Variants in KLHL3 observed in about 807,000 individuals in gnomAD.
KLHL3 encodes kelch-like protein 3.
Under a neutral mutation model 70.5 loss-of-function variants are expected in KLHL3, and 19 were observed. That is an observed-to-expected ratio of 0.27 (90% CI 0.19 to 0.40). The LOEUF is 0.40. KLHL3 is among the 10% of genes least tolerant of loss of function. The pLI is 1.00. For synonymous variants in KLHL3, 258 were observed against 290.3 expected (o/e 0.89, Z 1.13); for missense variants, 512 against 771.1 (o/e 0.66, Z 3.98).
At chr5:137,644,171 C>A (rs1032146349) in intron 8 of KLHL3, among the ~76,000 whole-genome samples, 1 of 152,134 alleles carries the variant, frequency 6.6e-6, no homozygotes, top group Non-Finnish European at 1.5e-5. Flanking sequence ...CGGGTTCAAG[C>A]AATTCTCCTG....
chr5:137,639,064 C>A lies in KLHL3; in HGVS notation c.1108G>T (p.Val370Leu). 1 of 1,614,146 alleles carries A rather than the reference C, an allele frequency of 6.2e-7. No homozygotes were observed. Among genetic ancestry groups the A allele is most frequent in the Non-Finnish European group, 8.5e-7 (1 of 1,180,026 alleles). Reference protein sequence around the residue: ...RVRTVDVYDGVKDQWTSIASM... With the variant: ...RVRTVDVYDGLKDQWTSIASM... ...GCAATGGACGTCCACTGGTCCTTCA[C>A]GCCGTCATACACATCCACTGTCCGC... Residue 370 changes from valine (V) to leucine (L), a missense_variant, in exon 10 of 15, where the codon GTG becomes TTG. By Grantham distance (32) the Val-to-Leu change is conservative (BLOSUM62 1). Transcript: ENST00000309755. The surrounding 1 kb of genome is among the most constrained non-coding windows in gnomAD (Gnocchi z 5.0).
chr5:137,642,898 C>G (rs981661987), intron 8 of KLHL3, among the ~76,000 whole-genome samples: 1 of 151,516 alleles, frequency 6.6e-6, no homozygotes, highest in African/African-American at 2.4e-5. Flanking sequence ...TTTTCAGGAA[C>G]CCTCACCATG....
chr5:137,692,789 C>T (rs1340689926), intron 4 of KLHL3: 3 of 258,228 alleles, frequency 1.2e-5, no homozygotes, highest in Non-Finnish European at 2.3e-5. Flanking sequence ...AGTTGCTGGT[C>T]CACAAACCAC....
At chr5:137,719,728 G>A (rs1752960885) in intron 2 of KLHL3, among the ~76,000 whole-genome samples, 2 of 152,318 alleles carry the variant, frequency 1.3e-5, no homozygotes, top group South Asian at 4.1e-4. Flanking sequence ...CGATGTGGCT[G>A]TCTTGCCAAC....
chr5:137,659,553 A>C (rs1751423295), intron 7 of KLHL3, among the ~76,000 whole-genome samples: 1 of 152,206 alleles, frequency 6.6e-6, no homozygotes, highest in Admixed American at 6.5e-5. Flanking sequence ...AGCTTGAGAC[A>C]AATCATAAAC....
intron 7 of KLHL3, among the ~76,000 whole-genome samples, chr5:137,658,805 TGAA>T (rs1417343180): frequency 2.0e-5 from 3 of 152,158 alleles, no homozygotes; most frequent in African/African-American, 7.2e-5. Context: ...TGTCTTATAG[TGAA>T]GGTCTCAGGG....
chr5:137,704,653 A>T (rs1752648819), intron 3 of KLHL3, among the ~76,000 whole-genome samples: 1 of 152,246 alleles, frequency 6.6e-6, no homozygotes, highest in Non-Finnish European at 1.5e-5. Context: ...ATCTTGGTCA[A>T]ACCAGTTGCA....
intron 3 of KLHL3, among the ~76,000 whole-genome samples, chr5:137,703,360 A>G (rs1373113888): frequency 6.6e-6 from 1 of 152,190 alleles, no homozygotes; most frequent in Non-Finnish European, 1.5e-5. Flanking sequence ...ACCCTCATCT[A>G]AGTCCTAAAA....
chr5:137,685,089 G>A (rs983663239), intron 5 of KLHL3, among the ~76,000 whole-genome samples: 4 of 152,208 alleles, frequency 2.6e-5, no homozygotes, highest in Non-Finnish European at 5.9e-5. Context: ...CAGAAGGCAA[G>A]ACTGGCTTTA....
At chr5:137,674,920 T>G (rs1367223402) in intron 6 of KLHL3, among the ~76,000 whole-genome samples, 1 of 152,204 alleles carries the variant, frequency 6.6e-6, no homozygotes, top group Non-Finnish European at 1.5e-5. Context: ...AACATCTAAT[T>G]GTCAGAAGCT....
chr5:137,723,089 A>C (rs1324978461), intron 1 of KLHL3, among the ~76,000 whole-genome samples: 3 of 152,214 alleles, frequency 2.0e-5, no homozygotes, highest in Non-Finnish European at 4.4e-5. Context: ...TCACATATTA[A>C]AGTTCCAGAT....
At chr5:137,626,009 C>A (rs1330082442) in intron 13 of KLHL3, 113 bp from the exon 14 acceptor site, 4 of 1,290,314 alleles carry the variant, frequency 3.1e-6, no homozygotes, top group Non-Finnish European at 4.3e-6. Context: ...CCCTTCATGG[C>A]AATACAACAG....
intron 8 of KLHL3, among the ~76,000 whole-genome samples, chr5:137,643,470 T>C (rs1750969425): frequency 6.6e-6 from 1 of 152,134 alleles, no homozygotes; most frequent in Admixed American, 6.5e-5. Flanking sequence ...TACAACTATC[T>C]GGGAAAATGA....
At chr5:137,670,996 A>C (rs1054856050) in intron 6 of KLHL3, among the ~76,000 whole-genome samples, 2 of 151,750 alleles carry the variant, frequency 1.3e-5, no homozygotes, top group Admixed American at 1.3e-4. Flanking sequence ...ACAACAACAA[A>C]AAAGCCCCAA....
In KLHL3 at chr5:137,618,257, G is replaced by T. The variant is rs1167418897; in HGVS notation, c.*3841C>A. 6.6e-6 allele frequency: 1 copy of T among 152,504 alleles called. No individual in the cohort carries two copies. The highest frequency in any genetic ancestry group is 2.4e-5 in the African/African-American group (1 of 41,394). The allele number at this position is 152,504 out of a possible 1,614,324, so 9.4% of individuals were successfully genotyped here. A position where few individuals can be genotyped will look rare whatever the true frequency, so the allele number is the denominator to read the frequency against. On this transcript the variant is annotated 3_prime_UTR_variant, in exon 15 of 15. Transcript: ENST00000309755. ...CTCCAACTAACTGGAATATGAGTTT[G>T]CTCAGCCTCCCAACTTGATCCAGCT...
intron 2 of KLHL3, among the ~76,000 whole-genome samples, chr5:137,711,842 C>T (rs764377433): frequency 2.6e-5 from 4 of 152,040 alleles, no homozygotes; most frequent in Admixed American, 6.6e-5. Context: ...ATAGACTCAT[C>T]TTGGACATTT....
At chr5:137,675,020 A>C (rs530324116) in intron 6 of KLHL3, among the ~76,000 whole-genome samples, 2 of 152,368 alleles carry the variant, frequency 1.3e-5, no homozygotes, top group East Asian at 3.9e-4. Flanking sequence ...ACCAAGCCCC[A>C]CTATTCTTTA....
chr5:137,646,965 A>G (rs1185532424), intron 8 of KLHL3, among the ~76,000 whole-genome samples: 1 of 152,148 alleles, frequency 6.6e-6, no homozygotes, highest in Non-Finnish European at 1.5e-5. Context: ...GGGTGCCTCA[A>G]AGTTCTGATC....
intron 8 of KLHL3, 43 bp from the exon 9 acceptor site, chr5:137,640,020 C>T: frequency 6.5e-7 from 1 of 1,538,766 alleles, no homozygotes; most frequent in Non-Finnish European, 9.0e-7. Context: ...ACCCCAAAAT[C>T]TGGATTTATG....
Sources: allele counts gnomAD v4.1 joint callset (sites outside exome capture counted in the v4.1 genomes callset), GRCh38; gene constraint gnomAD v4.1.1; non-coding constraint Gnocchi (gnomAD v3.1); transcripts MANE v1.5; gene names NCBI Gene and HGNC (gene_info 2026-07-23, HGNC 2026-07-21).